Variants in IQSEC1 observed in about 807,000 individuals in gnomAD.
The protein encoded by IQSEC1 is IQ motif and Sec7 domain ArfGEF 1, also known as IQ motif and SEC7 domain-containing protein 1.
A neutral mutation model predicts 91.0 loss-of-function variants in IQSEC1; 31 were observed. The ratio of observed to expected loss-of-function variants is 0.34; its 90% CI spans 0.26 to 0.46. The LOEUF is 0.46. Among genes scored for constraint, IQSEC1 ranks in the 20% least tolerant of loss-of-function variants. The pLI is 1.00. For missense variants in IQSEC1, 1,388 were observed against 1,575.6 expected, an observed-to-expected ratio of 0.88 and a Z score of 2.02; for synonymous variants, 699 against 662.6, an observed-to-expected ratio of 1.05 and a Z score of -0.84.
intron 2 of IQSEC1, among the ~76,000 whole-genome samples, chr3:13,139,771 G>A (rs577548746): frequency 2.0e-5 from 3 of 152,292 alleles, no homozygotes; most frequent in South Asian, 2.1e-4. Flanking sequence ...GGTGTCTCCT[G>A]ATGCTTCTCC....
At chr3:13,238,031 G>A (rs1444818143) in intron 1 of IQSEC1, among the ~76,000 whole-genome samples, 1 of 152,196 alleles carries the variant, frequency 6.6e-6, no homozygotes, top group Non-Finnish European at 1.5e-5. Flanking sequence ...TGGAGGCACT[G>A]ACCGCTGAGC....
chr3:12,984,047 T>C (rs778070759), intron 1 of IQSEC1, among the ~76,000 whole-genome samples: 1 of 152,150 alleles, frequency 6.6e-6, no homozygotes, highest in Non-Finnish European at 1.5e-5. Flanking sequence ...CAGAAACAGC[T>C]GGAACTGAGA....
chr3:13,215,754 A>G (rs914661838), intron 1 of IQSEC1, among the ~76,000 whole-genome samples: 1 of 152,150 alleles, frequency 6.6e-6, no homozygotes, highest in Non-Finnish European at 1.5e-5. Flanking sequence ...CAATTCCCAC[A>G]TAAGCTCAGA....
chr3:12,974,048 C>T (rs918050361), intron 1 of IQSEC1, among the ~76,000 whole-genome samples: 11 of 152,172 alleles, frequency 7.2e-5, no homozygotes, highest in Admixed American at 2.0e-4. Context: ...ACGGACTCAC[C>T]TGCTGAGGAT....
At chr3:13,125,301 C>T (rs1269939934) in intron 2 of IQSEC1, among the ~76,000 whole-genome samples, 1 of 152,228 alleles carries the variant, frequency 6.6e-6, no homozygotes, top group African/African-American at 2.4e-5. Flanking sequence ...TTAATCATCA[C>T]CTTCACAGAG....
At chr3:13,202,437 G>A (rs1694261558) in intron 1 of IQSEC1, among the ~76,000 whole-genome samples, 1 of 152,194 alleles carries the variant, frequency 6.6e-6, no homozygotes, top group South Asian at 2.1e-4. Context: ...ACAGAATGTG[G>A]TGCACCCATC....
chr3:12,935,824 C>G lies in IQSEC1; in HGVS notation c.1192G>C (p.Gly398Arg), dbSNP rs1286519504. The G allele has an allele frequency of 6.2e-7, 1 of 1,608,298 alleles. No homozygotes were observed. The highest frequency in any genetic ancestry group is 8.5e-7 in the Non-Finnish European group (1 of 1,179,880). The change falls in exon 3 of 14, where the codon GGC (glycine) becomes CGC (arginine). Residue 398 changes from glycine to arginine, a missense_variant. Physicochemically the swap from Gly to Arg is moderately radical, Grantham distance 125. This residue lies in a region of IQSEC1 where 1,059 missense variants were observed against 1,317.8 expected (regional missense o/e 0.80). Coordinates refer to ENST00000613206, the MANE Select transcript of IQSEC1 (RefSeq NM_001134382.3). The surrounding 1 kb of genome is among the most constrained non-coding windows in gnomAD (Gnocchi z 8.0). ...KRQSAYERSLGGQQGSPKHGP... is the reference protein window; with the variant it reads ...KRQSAYERSLRGQQGSPKHGP... ...TGCTTGGGACTGCCCTGCTGCCCGC[C>G]AAGGCTGCGCTCGTAAGCACTCTGC...
Position 12,922,259 on chromosome 3 carries a change from C to T in IQSEC1, c.1731-17G>A. ...ACGACGCAGCTGGAATAGAGACAGACAGCCCCGCATAAGCACCCCTTGCAG... is the reference window on the plus strand; with the variant it reads ...ACGACGCAGCTGGAATAGAGACAGATAGCCCCGCATAAGCACCCCTTGCAG... On this transcript the variant is annotated splice_polypyrimidine_tract_variant and intron_variant, in intron 4 of 13. Coordinates refer to ENST00000613206, the MANE Select transcript of IQSEC1 (RefSeq NM_001134382.3). This position sits in a 1 kb window ranked among gnomAD's most constrained non-coding sequence, Gnocchi z 5.1. The T allele has an allele frequency of 6.4e-7, 1 of 1,566,154 alleles. No homozygotes were observed. Among genetic ancestry groups the T allele is most frequent in the Non-Finnish European group, 8.7e-7 (1 of 1,147,488 alleles).
intron 1 of IQSEC1, among the ~76,000 whole-genome samples, chr3:13,278,084 A>G (rs1262702764): frequency 6.6e-6 from 1 of 152,228 alleles, no homozygotes; most frequent in African/African-American, 2.4e-5. Context: ...TGAACCCGGC[A>G]AGAATACTGG....
At chr3:13,196,308 G>T (rs1162832111) in intron 1 of IQSEC1, among the ~76,000 whole-genome samples, 1 of 152,224 alleles carries the variant, frequency 6.6e-6, no homozygotes, top group Non-Finnish European at 1.5e-5. Context: ...AAGCCTCTGA[G>T]TCTTCTTCCA....
upstream of IQSEC1, among the ~76,000 whole-genome samples, chr3:13,074,806 C>T (rs1197813259): frequency 6.9e-6 from 1 of 145,372 alleles, no homozygotes; most frequent in Non-Finnish European, 1.6e-5. Flanking sequence ...TCACACTCAC[C>T]GAATTTAGAA....
chr3:12,913,317 CCTTTTGCACCCCCA>C, intron 9 of IQSEC1, 97 bp downstream of exon 9: 1 of 1,206,360 alleles, frequency 8.3e-7, no homozygotes, highest in Non-Finnish European at 1.1e-6. Context: ...GCAAACCCTC[CCTTTTGCACCCCCA>C]CATGCATGCA....
At chr3:13,170,151 C>T (rs1693580445) in intron 1 of IQSEC1, among the ~76,000 whole-genome samples, 1 of 152,190 alleles carries the variant, frequency 6.6e-6, no homozygotes, top group African/African-American at 2.4e-5. Context: ...GCTCTGCCTC[C>T]CAGCCATTCC....
At chr3:13,036,660 G>A (rs1490994577) in intron 1 of IQSEC1, among the ~76,000 whole-genome samples, 1 of 152,156 alleles carries the variant, frequency 6.6e-6, no homozygotes, top group Admixed American at 6.5e-5. Context: ...AGCCCTGGAT[G>A]AGCCCAGGAA....
At chr3:13,107,365 C>T (rs1706167201) in intron 2 of IQSEC1, among the ~76,000 whole-genome samples, 1 of 152,218 alleles carries the variant, frequency 6.6e-6, no homozygotes, top group Non-Finnish European at 1.5e-5. Flanking sequence ...GGACCATGCC[C>T]CCTGCGGTTG....
chr3:13,223,650 G>C (rs572439778), intron 1 of IQSEC1, among the ~76,000 whole-genome samples: 3 of 152,352 alleles, frequency 2.0e-5, no homozygotes, highest in Admixed American at 2.0e-4. Flanking sequence ...ATCTGAGAAC[G>C]CAAGTTCCTG....
At position 13,071,720 on chromosome 3, in the gene IQSEC1, G is replaced by A. The variant is rs893753047; in HGVS notation, c.23+1272C>T. On this transcript the variant is annotated intron_variant, in intron 1 of 13. Coordinates refer to ENST00000613206, the MANE Select transcript of IQSEC1 (RefSeq NM_001134382.3). The stretch of plus-strand genomic sequence containing the variant: ...GAACCAGAGGCCACCGTCATCCCTC[G>A]AACCAGAGGCCACCGCCATCCCCCA... 8.6e-5 allele frequency among the ~76,000 whole-genome samples: 13 copies of A among 151,876 alleles called. 1 individual carries two copies. Among genetic ancestry groups the A allele is most frequent in the South Asian group, 2.1e-4 (1 of 4,806 alleles).
intron 1 of IQSEC1, among the ~76,000 whole-genome samples, chr3:13,245,480 C>T (rs1050024819): frequency 1.4e-4 from 21 of 152,162 alleles, no homozygotes; most frequent in Non-Finnish European, 1.5e-4. Context: ...AGAATGTGGA[C>T]GCAAAGCCAG....
intron 2 of IQSEC1, among the ~76,000 whole-genome samples, chr3:13,096,918 T>C (rs1187032370): frequency 1.3e-5 from 2 of 150,488 alleles, no homozygotes; most frequent in South Asian, 2.1e-4. Flanking sequence ...TGGAGTGCGG[T>C]GGCGCGATCT....
Sources: gnomAD v4.1 joint callset for allele counts (sites outside exome capture counted in the v4.1 genomes callset) on GRCh38, gnomAD v4.1.1 for gene constraint, gnomAD v4.1.1 regional missense constraint, Gnocchi (gnomAD v3.1) non-coding constraint, MANE v1.5 for transcripts, NCBI Gene and HGNC (gene_info 2026-07-23, HGNC 2026-07-21) for gene names.